INPP4B: variants seen among roughly 807,000 people sequenced by gnomAD.
INPP4B encodes inositol polyphosphate-4-phosphatase type II B, also known as inositol polyphosphate 4-phosphatase type II.
Under a neutral mutation model 122.5 loss-of-function variants are expected in INPP4B, and 55 were observed. The ratio of observed to expected loss-of-function variants is 0.45; its 90% CI spans 0.36 to 0.56. The LOEUF (loss-of-function observed/expected upper bound fraction) is 0.56, where lower values mean the gene tolerates loss of function less well. Ranked by LOEUF, INPP4B falls within the 20% of genes least tolerant of loss-of-function variation. The pLI is 0.00. For synonymous variants in INPP4B, 403 were observed against 388.7 expected, an observed-to-expected ratio of 1.04 and a Z score of -0.43; for missense variants, 1,000 against 1,097.7, an observed-to-expected ratio of 0.91 and a Z score of 1.26.
intron 12 of INPP4B, among the ~76,000 whole-genome samples, chr4:142,209,914 T>C (rs1464010727): frequency 6.6e-6 from 1 of 151,956 alleles, no homozygotes; most frequent in East Asian, 1.9e-4. Flanking sequence ...TGTGTATGCG[T>C]TGCTCCCTCT....
chr4:142,479,835 T>C (rs1200516456), intron 2 of INPP4B, among the ~76,000 whole-genome samples: 1 of 151,956 alleles, frequency 6.6e-6, no homozygotes, highest in African/African-American at 2.4e-5. Flanking sequence ...AGGGAGAGGA[T>C]TGATAAACCA....
chr4:142,223,454 T>G (rs975064401), intron 12 of INPP4B, among the ~76,000 whole-genome samples: 1 of 152,162 alleles, frequency 6.6e-6, no homozygotes, highest in African/African-American at 2.4e-5. Flanking sequence ...TTTTCCCTCC[T>G]CCATTCACTT....
chr4:142,077,960 A>C (rs1039494749), intron 25 of INPP4B, among the ~76,000 whole-genome samples: 2 of 150,432 alleles, frequency 1.3e-5, no homozygotes, highest in African/African-American at 4.9e-5. Flanking sequence ...TTTAACAACA[A>C]AAAAAAAAGT....
chr4:142,239,017 A>G (rs893974030), intron 11 of INPP4B, among the ~76,000 whole-genome samples: 6 of 152,134 alleles, frequency 3.9e-5, no homozygotes, highest in African/African-American at 1.4e-4. Flanking sequence ...AAGGCTGTAA[A>G]AAATACTGAA....
At chr4:142,451,825 G>T (rs1255386376) in intron 3 of INPP4B, among the ~76,000 whole-genome samples, 1 of 152,154 alleles carries the variant, frequency 6.6e-6, no homozygotes, top group Non-Finnish European at 1.5e-5. Flanking sequence ...TTGGTTCATT[G>T]TAAATCAGAG....
intron 15 of INPP4B, among the ~76,000 whole-genome samples, chr4:142,183,935 T>C (rs1425087678): frequency 6.6e-6 from 1 of 152,098 alleles, no homozygotes; most frequent in Non-Finnish European, 1.5e-5. Context: ...TATCTCTAGG[T>C]GTACACATGT....
intron 7 of INPP4B, among the ~76,000 whole-genome samples, chr4:142,400,777 C>G (rs1801326193): frequency 6.6e-6 from 1 of 152,160 alleles, no homozygotes; most frequent in South Asian, 2.1e-4. Flanking sequence ...GGAAGAAAGT[C>G]TTTAAAAGAC....
chr4:142,727,058 A>G (rs1765429622), intron 1 of INPP4B, among the ~76,000 whole-genome samples: 1 of 152,178 alleles, frequency 6.6e-6, no homozygotes, highest in Non-Finnish European at 1.5e-5. Flanking sequence ...ACACAATAAA[A>G]TGATTAAATC....
intron 10 of INPP4B, among the ~76,000 whole-genome samples, chr4:142,264,465 C>T (rs531781567): frequency 6.6e-6 from 1 of 152,224 alleles, no homozygotes; most frequent in East Asian, 1.9e-4. Flanking sequence ...TTTAGTATTT[C>T]TCTTGTAATT....
At chr4:142,812,561 C>T (rs1178447948) in intron 1 of INPP4B, among the ~76,000 whole-genome samples, 1 of 151,974 alleles carries the variant, frequency 6.6e-6, no homozygotes, top group Non-Finnish European at 1.5e-5. Context: ...TGGACATAAG[C>T]ACGTGCTATT....
At chr4:142,326,621 A>T (rs1001657825) in intron 7 of INPP4B, among the ~76,000 whole-genome samples, 1 of 152,192 alleles carries the variant, frequency 6.6e-6, no homozygotes, top group African/African-American at 2.4e-5. Flanking sequence ...TTGTACCATC[A>T]TTATAAAAAG....
At chr4:142,510,235 A>T (rs769004343) in intron 2 of INPP4B, among the ~76,000 whole-genome samples, 1 of 152,182 alleles carries the variant, frequency 6.6e-6, no homozygotes, top group Non-Finnish European at 1.5e-5. Flanking sequence ...CTTACACAAT[A>T]ATAACTGATT....
At chr4:142,097,467 G>A (rs1782465678) in intron 23 of INPP4B, among the ~76,000 whole-genome samples, 1 of 151,770 alleles carries the variant, frequency 6.6e-6, no homozygotes, top group Admixed American at 6.6e-5. Flanking sequence ...ATGTTGACCA[G>A]GCTGGTCTCA....
chr4:142,487,405 G>T (rs1470226060), intron 2 of INPP4B, among the ~76,000 whole-genome samples: 1 of 152,018 alleles, frequency 6.6e-6, no homozygotes, highest in Non-Finnish European at 1.5e-5. Flanking sequence ...CCCTAACTTT[G>T]TTCTTCTTCA....
At chr4:142,384,320 G>A (rs950778214) in intron 7 of INPP4B, among the ~76,000 whole-genome samples, 1 of 152,300 alleles carries the variant, frequency 6.6e-6, no homozygotes, top group East Asian at 1.9e-4. Flanking sequence ...TAGACTCTGA[G>A]AAATGCGTCA....
chr4:142,650,956 A>G (rs1483644151), intron 2 of INPP4B, among the ~76,000 whole-genome samples: 1 of 152,188 alleles, frequency 6.6e-6, no homozygotes, highest in African/African-American at 2.4e-5. Flanking sequence ...TCTAAAATTG[A>G]CCACATAATT....
intron 9 of INPP4B, among the ~76,000 whole-genome samples, chr4:142,280,834 C>T (rs1316662591): frequency 1.3e-5 from 2 of 151,940 alleles, no homozygotes; most frequent in African/African-American, 4.8e-5. Context: ...CTGACATTTA[C>T]TTGGAATGTT....
intron 12 of INPP4B, among the ~76,000 whole-genome samples, chr4:142,220,413 T>A (rs1848905843): frequency 6.6e-6 from 1 of 152,268 alleles, no homozygotes. Flanking sequence ...TTTTACTTTC[T>A]AGTTATTTAA....
At chr4:142,155,572 T>C (rs1051872050) in intron 17 of INPP4B, among the ~76,000 whole-genome samples, 5 of 152,108 alleles carry the variant, frequency 3.3e-5, no homozygotes, top group African/African-American at 4.8e-5. Context: ...TGTTCCATTA[T>C]TGGAATGCTA....
Sources: allele counts gnomAD v4.1 joint callset (sites outside exome capture counted in the v4.1 genomes callset), GRCh38; gene constraint gnomAD v4.1.1; transcripts MANE v1.5; gene names NCBI Gene and HGNC (gene_info 2026-07-23, HGNC 2026-07-21).